The following BTBD8 variants were observed in gnomAD, a reference collection of about 807,000 sequenced individuals.
BTBD8 encodes the protein BTB domain containing 8, also known as BTB/POZ domain-containing protein 8.
A neutral mutation model predicts 162.9 loss-of-function variants in BTBD8; 110 were observed. That is an observed-to-expected ratio of 0.68 (90% CI 0.58 to 0.79). BTBD8 has a LOEUF of 0.79. Among genes scored for constraint, BTBD8 ranks in the 30% least tolerant of loss-of-function variants. The pLI is 0.00. For missense variants in BTBD8, 1,905 were observed against 2,085.4 expected (o/e 0.91, Z 1.68); for synonymous variants, 667 against 716.1 (o/e 0.93, Z 1.10).
chr1:92,172,079 G>A (rs893419260), intron 13 of BTBD8, among the ~76,000 whole-genome samples: 5 of 151,922 alleles, frequency 3.3e-5, no homozygotes, highest in African/African-American at 1.2e-4. Flanking sequence ...TGACAAGAGC[G>A]AAACTCCATC....
rs907624191 is a variant in BTBD8, at chr1:92,129,775, G to A, written c.751G>A (p.Gly251Ser). ...CTCCCAAGAGTACGTTACTCTTCAA[G>A]GGTAAGCATATTTTTACAGGGCCAT... ...ESSQEYVTLQ[G>S]ISHVELNVMM... is the part of the protein sequence containing the mutation. The change falls in exon 5 of 18, where the codon GGT becomes AGT. Residue 251 changes from glycine (G) to serine (S), a missense_variant and splice_region_variant. Gly to Ser is a moderately conservative substitution (Grantham distance 56). Transcript: ENST00000636805. 1.2e-6 allele frequency: 2 copies of A among 1,612,278 alleles called. No homozygotes were observed. The highest frequency in any genetic ancestry group is 8.5e-7 in the Non-Finnish European group (1 of 1,178,394).
intron 9 of BTBD8, among the ~76,000 whole-genome samples, chr1:92,149,034 G>A (rs762800802): frequency 6.6e-6 from 1 of 152,144 alleles, no homozygotes; most frequent in Admixed American, 6.5e-5. Context: ...AAGAAACTAT[G>A]AACAGTGAAA....
intron 10 of BTBD8, 142 bp from the exon 11 acceptor site, chr1:92,167,706 G>A (rs1337732597): frequency 1.0e-5 from 6 of 599,622 alleles, no homozygotes; most frequent in East Asian, 5.8e-5. Context: ...ATGCATATAT[G>A]CGAATTTTTT....
chr1:92,129,760 T>A lies in BTBD8; in HGVS notation c.736T>A (p.Tyr246Asn). The change falls in exon 5 of 18, where the codon TAC becomes AAC. Residue 246 changes from tyrosine (Y) to asparagine (N), a missense_variant. Tyr to Asn is a moderately radical substitution (Grantham distance 143, BLOSUM62 -2). Transcript: ENST00000636805. The part of the protein sequence containing the change: ...SGCWAESSQE[Y>N]VTLQGISHVE... ...CTGTTGGGCTGAAAGCTCCCAAGAG[T>A]ACGTTACTCTTCAAGGGTAAGCATA... 1 of 1,613,724 alleles carries A rather than the reference T, an allele frequency of 6.2e-7. No homozygotes were observed. Among genetic ancestry groups the A allele is most frequent in the Non-Finnish European group, 8.5e-7 (1 of 1,179,698 alleles).
chr1:92,123,026 T>G (rs1649257195), intron 4 of BTBD8, among the ~76,000 whole-genome samples: 1 of 152,240 alleles, frequency 6.6e-6, no homozygotes, highest in African/African-American at 2.4e-5. Context: ...TTTTTGTATA[T>G]GGTGTGAGGC....
rs1198065493 is a variant in BTBD8, at chr1:92,153,813, A to C, written c.1122+6027A>C. Among the ~76,000 whole-genome samples the C allele has an allele frequency of 2.0e-5, 3 of 152,292 alleles. No homozygotes were observed. In the East Asian group the frequency reaches 5.8e-4, roughly 29 times the overall value. ...GCTATTGTAAATAGTGCTGCAGTGAACATGGTAGTGCTAATATTTCTTTGG... is the reference window on the plus strand; with the variant it reads ...GCTATTGTAAATAGTGCTGCAGTGACCATGGTAGTGCTAATATTTCTTTGG... On this transcript the variant is annotated intron_variant, in intron 9 of 17. Coordinates refer to ENST00000636805, the MANE Select transcript of BTBD8 (RefSeq NM_001376131.1).
rs12405896 is a variant in BTBD8, at chr1:92,154,161, C to T, written c.1122+6375C>T. On this transcript the variant is annotated intron_variant, in intron 9 of 17. Coordinates refer to ENST00000636805, the MANE Select transcript of BTBD8 (RefSeq NM_001376131.1). ...CTATGATTGTAAGCTTCCTGAGGCC[C>T]TCACCAGAAGCTGAACAGATGTGGG... Among the ~76,000 whole-genome samples the T allele has an allele frequency of 6.8e-3, 1,028 of 152,254 alleles. 23 individuals are homozygous for T. Among genetic ancestry groups the T allele is most frequent in the Admixed American group, 0.031 (471 of 15,280 alleles).
In BTBD8 at chr1:92,080,350, T is replaced by C; in HGVS notation, c.-222T>C. The C allele has an allele frequency of 6.6e-6, 4 of 606,156 alleles. No homozygotes were observed. Among genetic ancestry groups the C allele is most frequent in the Non-Finnish European group, 1.1e-5 (4 of 367,670 alleles). 37.5% of individuals were successfully genotyped at this position (606,156 alleles called of 1,614,324 possible). On this transcript the variant is annotated 5_prime_UTR_variant, in exon 1 of 18. Transcript: ENST00000636805. ...CGAGTACGCCTGCGCACGCTCTTCC[T>C]GGGTCAAGAGCCGGCTCGGTTCTGG...
At chr1:92,134,736 C>T (rs902850751) in intron 5 of BTBD8, among the ~76,000 whole-genome samples, 5 of 152,018 alleles carry the variant, frequency 3.3e-5, no homozygotes, top group African/African-American at 9.7e-5. Flanking sequence ...ATGAGCCTGT[C>T]ATTCAAAAAT....
intron 3 of BTBD8, among the ~76,000 whole-genome samples, chr1:92,103,123 A>G (rs973523178): frequency 2.6e-5 from 4 of 152,218 alleles, no homozygotes; most frequent in African/African-American, 4.8e-5. Context: ...GTTATTGCAA[A>G]TTGATGGAAT....
intron 5 of BTBD8, among the ~76,000 whole-genome samples, chr1:92,136,601 C>T (rs909923944): frequency 4.6e-5 from 7 of 152,098 alleles, no homozygotes; most frequent in Non-Finnish European, 8.8e-5. Context: ...ATAAATGGCA[C>T]GACCCTGCCC....
At chr1:92,128,574 G>A (rs1483804212) in intron 4 of BTBD8, among the ~76,000 whole-genome samples, 2 of 151,496 alleles carry the variant, frequency 1.3e-5, no homozygotes, top group African/African-American at 2.4e-5. Flanking sequence ...CACCGCGCCC[G>A]GCCATTTTTT....
At chr1:92,123,882 A>G (rs1649281614) in intron 4 of BTBD8, among the ~76,000 whole-genome samples, 1 of 151,896 alleles carries the variant, frequency 6.6e-6, no homozygotes, top group Non-Finnish European at 1.5e-5. Flanking sequence ...CTGGCAGACT[A>G]GATGCTGATC....
At position 92,148,880 on chromosome 1, in the gene BTBD8, A is replaced by G. The variant is rs532283845; in HGVS notation, c.1122+1094A>G. Among the ~76,000 whole-genome samples the G allele has an allele frequency of 1.3e-4, 20 of 152,352 alleles. No individual in the cohort carries two copies. In the East Asian group the frequency reaches 2.5e-3, roughly 19 times the overall value. ...CCTATCAAGAGGAAATTGAGTTGCTACTATACAATGTGGATAATGTAGAGA... is the reference window on the plus strand; with the variant it reads ...CCTATCAAGAGGAAATTGAGTTGCTGCTATACAATGTGGATAATGTAGAGA... On this transcript the variant is annotated intron_variant, in intron 9 of 17. Transcript: ENST00000636805.
At chr1:92,145,402 A>G (rs1649887789) in intron 7 of BTBD8, among the ~76,000 whole-genome samples, 1 of 152,236 alleles carries the variant, frequency 6.6e-6, no homozygotes, top group South Asian at 2.1e-4. Flanking sequence ...ATTTCCAAAG[A>G]AGGTTTTGCT....
At position 92,183,885 on chromosome 1, in the gene BTBD8, C is replaced by G. The variant is rs1650998773; in HGVS notation, c.4934C>G (p.Thr1645Arg). Residue 1645 changes from threonine to arginine, a missense_variant, in exon 18 of 18, where the codon ACA (threonine) becomes AGA (arginine). Transcript: ENST00000636805. ...LSAGDIDDCD[T>R]LAQTRMYDHR... ...TCAGGAGACATAGATGATTGTGACACACTGGCACAAACCCGCATGTATGAC... is the reference window on the plus strand; with the variant it reads ...TCAGGAGACATAGATGATTGTGACAGACTGGCACAAACCCGCATGTATGAC... 1 of 1,549,068 alleles carries G rather than the reference C, an allele frequency of 6.5e-7. No homozygotes were observed. Among genetic ancestry groups the G allele is most frequent in the African/African-American group, 1.4e-5 (1 of 72,804 alleles).
chr1:92,178,519 G>C, intron 16 of BTBD8, 68 bp downstream of exon 16: 1 of 1,296,224 alleles, frequency 7.7e-7, no homozygotes, highest in South Asian at 1.6e-5. Context: ...GCCAAACTCT[G>C]ATTTGCAACT....
rs568281517 is a variant in BTBD8, at chr1:92,128,379, C to T, written c.663-1308C>T. Among the ~76,000 whole-genome samples, 18 of 151,968 alleles carry T rather than the reference C, an allele frequency of 1.2e-4. No individual in the cohort carries two copies. In the East Asian group the frequency reaches 2.1e-3, roughly 18 times the overall value. On this transcript the variant is annotated intron_variant, in intron 4 of 17. Coordinates refer to ENST00000636805, the MANE Select transcript of BTBD8 (RefSeq NM_001376131.1). Reference sequence around the variant, plus strand: ...CTGCAAGCTCCGCCTCCTGGGTTCACGCCATTCTCTTGACTTAGTCTCCCG... The same window carrying T: ...CTGCAAGCTCCGCCTCCTGGGTTCATGCCATTCTCTTGACTTAGTCTCCCG...
At chr1:92,153,067 G>A (rs138684036) in intron 9 of BTBD8, among the ~76,000 whole-genome samples, 1 of 151,896 alleles carries the variant, frequency 6.6e-6, no homozygotes, top group Non-Finnish European at 1.5e-5. Context: ...CTTTTTTTTA[G>A]CAATAACCCC....
Sources: gnomAD v4.1 joint callset for allele counts (sites outside exome capture counted in the v4.1 genomes callset) on GRCh38, gnomAD v4.1.1 for gene constraint, MANE v1.5 for transcripts, NCBI Gene and HGNC (gene_info 2026-07-23, HGNC 2026-07-21) for gene names.